The following OTC variants were observed in gnomAD, a reference collection of about 807,000 sequenced individuals.
OTC encodes the protein ornithine transcarbamylase.
OTC carries 3 observed loss-of-function variants against 30.3 expected under a neutral mutation model. The ratio of observed to expected loss-of-function variants is 0.10; its 90% confidence interval spans 0.05 to 0.26. OTC has a LOEUF of 0.26. Ranked by LOEUF, OTC falls within the 10% of genes least tolerant of loss-of-function variation. The pLI is 1.00. For synonymous variants in OTC, 111 were observed against 99.7 expected (o/e 1.11, Z -0.67); for missense variants, 194 against 260.3 (o/e 0.75, Z 1.75).
upstream of OTC, among the ~76,000 whole-genome samples, chrX:38,348,567 T>A (rs1473761474): frequency 1.0e-5 from 1 of 98,672 alleles, no homozygotes; most frequent in African/African-American, 3.8e-5. Context: ...GATGGAGTCT[T>A]GCTCAGTCGC....
intron 4 of OTC, among the ~76,000 whole-genome samples, chrX:38,394,591 A>G (rs2068445032): frequency 9.0e-6 from 1 of 110,997 alleles, no homozygotes; most frequent in South Asian, 3.9e-4. Flanking sequence ...TCTCCCTGGC[A>G]CACATGCAGA....
At chrX:38,411,053 A>G (rs1013751214) in intron 8 of OTC, among the ~76,000 whole-genome samples, 2 of 111,698 alleles carry the variant, frequency 1.8e-5, no homozygotes, top group African/African-American at 6.5e-5. Context: ...AGAATGAAAA[A>G]TCTAATGCAT....
At chrX:38,403,591 T>C (rs1393307213) in intron 5 of OTC, 27 bp from the exon 6 acceptor site, 3 of 1,205,803 alleles carry the variant, frequency 2.5e-6, no homozygotes, top group Middle Eastern at 4.6e-4. Flanking sequence ...CGCCTGGATT[T>C]CATCTCCTTC....
the OTC span, among the ~76,000 whole-genome samples, chrX:38,345,016 T>C: frequency 9.0e-6 from 1 of 111,171 alleles, no homozygotes; most frequent in Admixed American, 9.5e-5. Context: ...GAGACAAGCC[T>C]GGGCAACATA....
At chrX:38,367,023 C>G (rs747025009) in intron 1 of OTC, among the ~76,000 whole-genome samples, 18 of 110,276 alleles carry the variant, frequency 1.6e-4, no homozygotes, top group African/African-American at 5.9e-4. Flanking sequence ...AGTAAAAATA[C>G]AAAAATTAGC....
upstream of OTC, chrX:38,352,453 G>A (rs2068222579): frequency 5.4e-6 from 2 of 372,718 alleles, no homozygotes; most frequent in Admixed American, 8.7e-5. Context: ...GGCAATAAAA[G>A]AGTCAGGATT....
chrX:38,418,244 C>G lies in OTC; in HGVS notation c.1006-2779C>G, dbSNP rs181708813. On this transcript the variant is annotated intron_variant, in intron 9 of 9. Transcript: ENST00000039007. The stretch of plus-strand genomic sequence containing the variant: ...TGCATTGCCCTAATGATTAATGATA[C>G]TCAGCATTTTTTCATGAACTTGATG... 2.7e-3 allele frequency among the ~76,000 whole-genome samples: 302 copies of G among 111,807 alleles called. 2 individuals are homozygous for G. The highest frequency in any genetic ancestry group is 9.3e-3 in the African/African-American group (286 of 30,781).
chrX:38,420,537 A>T (rs2068589831), intron 9 of OTC, among the ~76,000 whole-genome samples: 1 of 111,008 alleles, frequency 9.0e-6, no homozygotes, highest in African/African-American at 3.3e-5. Context: ...TTGGCTATAG[A>T]GATAATACTC....
intron 4 of OTC, among the ~76,000 whole-genome samples, chrX:38,395,133 C>T (rs188163861): frequency 6.4e-5 from 7 of 109,938 alleles, no homozygotes; most frequent in African/African-American, 9.9e-5. Context: ...CCACCACAAC[C>T]GGCTAATTTT....
At chrX:38,367,097 G>A (rs1403563844) in intron 1 of OTC, among the ~76,000 whole-genome samples, 194 bp from the exon 2 acceptor site, 1 of 108,130 alleles carries the variant, frequency 9.2e-6, no homozygotes, top group Non-Finnish European at 1.9e-5. Context: ...AGAATCGCTT[G>A]AACCTGGGAG....
At chrX:38,357,513 T>C (rs952235848) in intron 1 of OTC, among the ~76,000 whole-genome samples, 1 of 112,552 alleles carries the variant, frequency 8.9e-6, no homozygotes, top group Non-Finnish European at 1.9e-5. Flanking sequence ...GGGATCAGAG[T>C]ATCATTTAAC....
At chrX:38,347,766 T>C (rs763858409), upstream of OTC, among the ~76,000 whole-genome samples, 2 of 111,720 alleles carry the variant, frequency 1.8e-5, no homozygotes, top group African/African-American at 6.5e-5. Context: ...TTTTATTTAG[T>C]TGGACAGGTG....
chrX:38,329,010 A>G, the OTC span, among the ~76,000 whole-genome samples: 1 of 112,692 alleles, frequency 8.9e-6, no homozygotes, highest in Admixed American at 9.4e-5. Flanking sequence ...AAAGGATTTG[A>G]TATTCATTTT....
chrX:38,343,525 T>C, the OTC span, among the ~76,000 whole-genome samples: 2 of 112,082 alleles, frequency 1.8e-5, no homozygotes, highest in South Asian at 7.4e-4. Flanking sequence ...GGTTGGGTCA[T>C]TAACCATATT....
At chrX:38,332,523 T>TGTATATATATATATATATATAC in the OTC span, among the ~76,000 whole-genome samples, 1 of 86,405 alleles carries the variant, frequency 1.2e-5, no homozygotes, top group African/African-American at 4.4e-5. Context: ...TATATATATA[T>TGTATATATATATATATATATAC]ATATATATAT....
At chrX:38,411,657 C>G (rs2068542934) in intron 8 of OTC, among the ~76,000 whole-genome samples, 1 of 105,698 alleles carries the variant, frequency 9.5e-6, no homozygotes, top group Non-Finnish European at 1.9e-5. Flanking sequence ...CAGAGCGAGA[C>G]TCTGTCTCAA....
At chrX:38,347,686 C>T (rs1268251745), upstream of OTC, among the ~76,000 whole-genome samples, 2 of 111,407 alleles carry the variant, frequency 1.8e-5, no homozygotes, top group East Asian at 5.6e-4. Flanking sequence ...CTATCTATGC[C>T]CGGGCTCTTA....
the OTC span, among the ~76,000 whole-genome samples, chrX:38,341,683 G>A: frequency 8.9e-6 from 1 of 111,831 alleles, no homozygotes; most frequent in Non-Finnish European, 1.9e-5. Context: ...GTACTTAACA[G>A]TCATTTATTG....
intron 9 of OTC, among the ~76,000 whole-genome samples, chrX:38,420,377 T>C (rs919104707): frequency 9.0e-6 from 1 of 111,670 alleles, no homozygotes; most frequent in South Asian, 3.7e-4. Flanking sequence ...CATGATATGG[T>C]ACTTAGTATT....
Sources: allele counts gnomAD v4.1 joint callset (sites outside exome capture counted in the v4.1 genomes callset), GRCh38; gene constraint gnomAD v4.1.1; transcripts MANE v1.5; gene names NCBI Gene and HGNC (gene_info 2026-07-23, HGNC 2026-07-21).